Variants in DGKE observed in about 807,000 individuals in gnomAD.
The protein encoded by DGKE is DAG kinase epsilon.
Under a neutral mutation model 70.0 loss-of-function variants are expected in DGKE, and 53 were observed. That is an observed-to-expected ratio of 0.76 (90% CI 0.61 to 0.95). The LOEUF (loss-of-function observed/expected upper bound fraction) is 0.95, where lower values mean the gene tolerates loss of function less well. Ranked by LOEUF, DGKE falls within the 40% of genes least tolerant of loss-of-function variation. The pLI is 0.00. For missense variants in DGKE, 655 were observed against 706.9 expected, an observed-to-expected ratio of 0.93 and a Z score of 0.83; for synonymous variants, 291 against 257.0, an observed-to-expected ratio of 1.13 and a Z score of -1.27.
intron 3 of DGKE, among the ~76,000 whole-genome samples, chr17:56,845,302 G>GA (rs1422675115): frequency 1.3e-5 from 2 of 152,054 alleles, no homozygotes; most frequent in Admixed American, 6.5e-5. Context: ...AAAGGTCAGA[G>GA]AAAAAAATCA....
At chr17:56,853,982 T>TA (rs762786931) in intron 7 of DGKE, among the ~76,000 whole-genome samples, 6,326 of 136,224 alleles carry the variant, frequency 0.046, 155 homozygotes, top group African/African-American at 0.047. Context: ...ATTCAGACTT[T>TA]AAAAAAAAAA....
chr17:56,855,517 A>T (rs1045636640), intron 7 of DGKE, among the ~76,000 whole-genome samples: 2 of 152,172 alleles, frequency 1.3e-5, no homozygotes, highest in Non-Finnish European at 2.9e-5. Context: ...ACTTGAAGAG[A>T]GGTAAATTTT....
chr17:56,848,678 A>T lies in DGKE; in HGVS notation c.889-18A>T, dbSNP rs1907459833. The T allele has an allele frequency of 1.2e-6, 2 of 1,608,592 alleles. No homozygotes were observed. Among genetic ancestry groups the T allele is most frequent in the African/African-American group, 1.3e-5 (1 of 74,758 alleles). On this transcript the variant is annotated intron_variant, in intron 5 of 11. Transcript: ENST00000284061. The stretch of plus-strand genomic sequence containing the variant: ...ATAGTCTGAGAGAAAAATCTAAAAC[A>T]TATCTTCCATATTCTAGGGACAAGA...
chr17:56,856,708 GA>G, intron 8 of DGKE, 83 bp downstream of exon 8: 1 of 1,454,894 alleles, frequency 6.9e-7, no homozygotes, highest in Non-Finnish European at 9.1e-7. Context: ...AGCACTCCTA[GA>G]TTCAGATTTA....
At chr17:56,838,365 C>G (rs1276515465) in intron 2 of DGKE, 6 of 152,202 alleles carry the variant, frequency 3.9e-5, no homozygotes, top group Non-Finnish European at 1.5e-5. Context: ...GGTGGGCAAA[C>G]TTACTGTAAA....
At position 56,848,216 on chromosome 17, in the gene DGKE, G is replaced by A. The variant is rs542378863; in HGVS notation, c.888+151G>A. 49 of 423,322 alleles carry A rather than the reference G, an allele frequency of 1.2e-4. No individual in the cohort carries two copies. The South Asian group carries it at 4.1e-3, about 35-fold the overall frequency. The allele number at this position is 423,322 out of a possible 1,614,324, so 26.2% of individuals were successfully genotyped here. On this transcript the variant is annotated intron_variant, in intron 5 of 11. Coordinates refer to ENST00000284061, the MANE Select transcript of DGKE (RefSeq NM_003647.3). ...ACTGTCACCCAGGCTGGAGTGCAGC[G>A]GCGCAGACACAGCTAACTGCAACCT...
At chr17:56,847,768 A>G (rs1398116507) in intron 4 of DGKE, 154 bp from the exon 5 acceptor site, 16 of 404,874 alleles carry the variant, frequency 4.0e-5, no homozygotes, top group East Asian at 4.4e-5. Context: ...TACAATGAAT[A>G]TAAAGAGTCT....
rs1052262998 is a variant in DGKE, at chr17:56,865,530, G to C, written c.*2739G>C. 2.0e-5 allele frequency: 3 copies of C among 152,138 alleles called. No homozygotes were observed. Among genetic ancestry groups the C allele is most frequent in the Admixed American group, 2.0e-4 (3 of 15,276 alleles). The allele number at this position is 152,138 out of a possible 1,614,324, so 9.4% of individuals were successfully genotyped here. A position where few individuals can be genotyped will look rare whatever the true frequency, so the allele number is the denominator to read the frequency against. ...TTGTGTTTTAAAATACAAGTTGTCTGCTAGTAAAGTTACATGATTTAGGTG... is the reference window on the plus strand; with the variant it reads ...TTGTGTTTTAAAATACAAGTTGTCTCCTAGTAAAGTTACATGATTTAGGTG... On this transcript the variant is annotated 3_prime_UTR_variant, in exon 12 of 12. Transcript: ENST00000284061.
At chr17:56,840,293 T>TG (rs1344155816) in intron 2 of DGKE, among the ~76,000 whole-genome samples, 2 of 152,198 alleles carry the variant, frequency 1.3e-5, no homozygotes, top group East Asian at 3.9e-4. Context: ...CAAGTGCTCT[T>TG]GGGGGAGGGG....
chr17:56,848,170 T>C, intron 5 of DGKE, 105 bp downstream of exon 5: 1 of 762,130 alleles, frequency 1.3e-6, no homozygotes, highest in East Asian at 5.6e-5. Flanking sequence ...GTTGTTGTTT[T>C]TTCTTGAGAT....
At chr17:56,845,889 A>T (rs1907257573) in intron 4 of DGKE, 80 bp downstream of exon 4, 1 of 1,346,128 alleles carries the variant, frequency 7.4e-7, no homozygotes. Context: ...TCAAGTCACT[A>T]ATCACCTGAT....
rs1908361270 is a variant in DGKE at position 56,862,616 on chromosome 17, T to C, written c.1529T>C (p.Ile510Thr). Residue 510 changes from isoleucine to threonine, a missense_variant, in exon 12 of 12, where the codon ATT becomes ACT. Ile to Thr is a moderately conservative substitution (Grantham distance 89). Coordinates refer to ENST00000284061, the MANE Select transcript of DGKE (RefSeq NM_003647.3). ...RIGQAHTVRL[I>T]LKCSMMPMQV... is the part of the protein sequence containing the mutation. ...TTATTTGTTCCCTAATATCAGCTGA[T>C]TTTGAAGTGCTCCATGATGCCAATG... 6.5e-7 allele frequency: 1 copy of C among 1,544,528 alleles called. No homozygotes were observed. Among genetic ancestry groups the C allele is most frequent in the East Asian group, 2.3e-5 (1 of 43,690 alleles).
intron 7 of DGKE, among the ~76,000 whole-genome samples, chr17:56,854,265 A>G (rs1487323267): frequency 6.6e-6 from 1 of 152,146 alleles, no homozygotes; most frequent in Non-Finnish European, 1.5e-5. Flanking sequence ...ACTATAGTTA[A>G]TAATAATGCA....
At chr17:56,858,071 CAAAAAAA>C (rs11449627) in intron 8 of DGKE, among the ~76,000 whole-genome samples, 1 of 100,486 alleles carries the variant, frequency 1.0e-5, no homozygotes, top group East Asian at 2.6e-4. Flanking sequence ...GACTCCATCT[CAAAAAAA>C]AAAAAAAAAA....
intron 11 of DGKE, 88 bp downstream of exon 11, chr17:56,862,339 T>G (rs780092190): frequency 2.0e-5 from 26 of 1,312,522 alleles, no homozygotes; most frequent in Non-Finnish European, 2.8e-5. Flanking sequence ...ATACTTTTCT[T>G]TAAACAGTGG....
Position 56,856,580 on chromosome 17 carries a change from T to C in DGKE, c.1167T>C (p.His389=). ...TCATGGCTCTCAATTTTCATGCTCA[T>C]CGTGAGAAGGCACCATCTCTGTTTT... ...DALMALNFHA[H]REKAPSLFSS... is the part of the protein sequence containing the mutation. The change falls in exon 8 of 12, where the codon CAT becomes CAC. Residue 389 remains histidine, a synonymous_variant. Coordinates refer to ENST00000284061, the MANE Select transcript of DGKE (RefSeq NM_003647.3). 6.2e-7 allele frequency: 1 copy of C among 1,613,986 alleles called. No homozygotes were observed. The highest frequency in any genetic ancestry group is 1.3e-5 in the African/African-American group (1 of 75,046).
intron 2 of DGKE, among the ~76,000 whole-genome samples, chr17:56,843,797 C>A (rs868539721): frequency 7.8e-3 from 853 of 109,234 alleles, no homozygotes; most frequent in Middle Eastern, 0.015. Context: ...GACCCTGTCT[C>A]AAAAAAAAAA....
intron 9 of DGKE, among the ~76,000 whole-genome samples, chr17:56,859,999 T>C (rs750983942): frequency 6.6e-6 from 1 of 152,236 alleles, no homozygotes; most frequent in Non-Finnish European, 1.5e-5. Context: ...AAGAGTGTTA[T>C]GTTACTTTAT....
chr17:56,845,201 A>G (rs1264806964), intron 3 of DGKE, among the ~76,000 whole-genome samples: 2 of 152,194 alleles, frequency 1.3e-5, no homozygotes, highest in Middle Eastern at 3.2e-3. Flanking sequence ...TTAGAAGTCC[A>G]GATTTTTTAA....
Sources: gnomAD v4.1 joint callset for allele counts (sites outside exome capture counted in the v4.1 genomes callset) on GRCh38, gnomAD v4.1.1 for gene constraint, MANE v1.5 for transcripts, NCBI Gene and HGNC (gene_info 2026-07-23, HGNC 2026-07-21) for gene names.